Variants in PKM observed in about 807,000 individuals in gnomAD.
PKM encodes pyruvate kinase PKM.
A neutral mutation model predicts 49.8 loss-of-function variants in PKM; 18 were observed. The observed-to-expected ratio is 0.36, with a 90% confidence interval of 0.25 to 0.54. PKM has a LOEUF of 0.54. Ranked by LOEUF, PKM falls within the 20% of genes least tolerant of loss-of-function variation. The probability of loss-of-function intolerance (pLI) is 0.89; values close to 1 mark genes in which losing one functional copy is unlikely to be tolerated. For missense variants in PKM, 508 were observed against 713.8 expected (o/e 0.71, Z 3.28); for synonymous variants, 239 against 261.8 (o/e 0.91, Z 0.84).
chr15:72,222,907 G>A (rs1051288389), intron 1 of PKM, among the ~76,000 whole-genome samples: 4 of 151,808 alleles, frequency 2.6e-5, no homozygotes, highest in African/African-American at 9.7e-5. Flanking sequence ...GACAGCTCCT[G>A]GCTTTTTATA....
rs1276921959 is a variant in PKM at position 72,206,815 on chromosome 15, T to C, written c.1053A>G (p.Ala351=). 1.2e-5 allele frequency: 20 copies of C among 1,614,156 alleles called. No individual in the cohort carries two copies. Among genetic ancestry groups the C allele is most frequent in the Non-Finnish European group, 1.7e-5 (20 of 1,180,006 alleles). Residue 351 remains alanine (A), a synonymous_variant, in exon 8 of 11, where the codon GCA becomes GCG. Transcript: ENST00000335181. ...TRAEGSDVAN[A]VLDGADCIML... is the part of the protein sequence containing the mutation. The stretch of plus-strand genomic sequence containing the variant: ...TGATGCAGTCGGCTCCATCCAGGAC[T>C]GCATTGGCCACATCACTGCCTTCAG...
intron 3 of PKM, among the ~76,000 whole-genome samples, chr15:72,214,533 C>T (rs530166419): frequency 2.0e-5 from 3 of 152,232 alleles, no homozygotes; most frequent in South Asian, 4.1e-4. Flanking sequence ...TGGTGGCTCA[C>T]GCCTGTAATC....
chr15:72,222,422 C>T (rs2082550559), intron 1 of PKM: 1 of 152,550 alleles, frequency 6.6e-6, no homozygotes, highest in Non-Finnish European at 1.5e-5. Flanking sequence ...CTTCCCAGCA[C>T]AAACTGCCCA....
At chr15:72,205,630 T>TG (rs1251433259) in intron 8 of PKM, among the ~76,000 whole-genome samples, 2 of 150,404 alleles carry the variant, frequency 1.3e-5, no homozygotes, top group African/African-American at 4.9e-5. Context: ...TTTAGTTTTT[T>TG]TTTTTTTTTT....
Position 72,229,546 on chromosome 15 carries a change from C to T in PKM, c.-14+1570G>A, listed in dbSNP as rs1392301432. ...ATTAAGAAGCCAAGGGATGCCCTTA[C>T]ATGACTGAGTCTTTAAATGATCTTC... On this transcript the variant is annotated intron_variant, in intron 1 of 10. Coordinates refer to ENST00000335181, the MANE Select transcript of PKM (RefSeq NM_002654.6). 4 of 1,287,374 alleles carry T rather than the reference C, an allele frequency of 3.1e-6. No individual in the cohort carries two copies. In the Admixed American group the frequency reaches 6.9e-5, roughly 22 times the overall value. The allele number at this position is 1,287,374 out of a possible 1,614,324, so 79.7% of individuals were successfully genotyped here.
chr15:72,199,030 G>A lies in PKM; in HGVS notation c.*620C>T, dbSNP rs1441022078. On this transcript the variant is annotated 3_prime_UTR_variant, in exon 11 of 11. Coordinates refer to ENST00000335181, the MANE Select transcript of PKM (RefSeq NM_002654.6). ...CCCCAGCAGAAAAGAGAGGAAACAG[G>A]TGCTTCAGCTGTTGTTTATTGACAT... The A allele has an allele frequency of 1.6e-5, 3 of 186,086 alleles. No individual in the cohort carries two copies. The highest frequency in any genetic ancestry group is 4.8e-5 in the African/African-American group (2 of 41,942). The allele number at this position is 186,086 out of a possible 1,614,324, so 11.5% of individuals were successfully genotyped here.
At chr15:72,210,066 A>G (rs1596750553) in intron 4 of PKM, 2 of 631,780 alleles carry the variant, frequency 3.2e-6, no homozygotes, top group Admixed American at 5.2e-5. Flanking sequence ...CTACTTAATG[A>G]TGGGGAAAAA....
chr15:72,203,624 A>G (rs890416255), intron 8 of PKM: 4 of 271,648 alleles, frequency 1.5e-5, no homozygotes, highest in African/African-American at 8.8e-5. Flanking sequence ...CCCAGCCTCC[A>G]TGCATGCATG....
At chr15:72,209,562 C>T (rs2082189641) in intron 5 of PKM, 111 bp downstream of exon 5, 7 of 874,286 alleles carry the variant, frequency 8.0e-6, no homozygotes, top group Non-Finnish European at 1.4e-5. Context: ...CCTGAGAACA[C>T]ACAGACTCAA....
At chr15:72,227,208 G>C (rs2082695112) in intron 1 of PKM, among the ~76,000 whole-genome samples, 1 of 152,140 alleles carries the variant, frequency 6.6e-6, no homozygotes, top group Non-Finnish European at 1.5e-5. Flanking sequence ...ATGCTTAAAG[G>C]GACAACTTAA....
chr15:72,209,386 C>G (rs1284728499), intron 5 of PKM: 1 of 127,748 alleles, frequency 7.8e-6, no homozygotes, highest in African/African-American at 3.2e-5. Context: ...AAACAAAACA[C>G]AGCGAAACAA....
At chr15:72,216,396 G>A (rs1231187382) in intron 3 of PKM, among the ~76,000 whole-genome samples, 4 of 152,170 alleles carry the variant, frequency 2.6e-5, no homozygotes, top group Non-Finnish European at 5.9e-5. Context: ...ACATTTGAGA[G>A]AATCACTTGA....
intron 3 of PKM, among the ~76,000 whole-genome samples, chr15:72,214,070 T>C (rs1404378940): frequency 2.6e-5 from 4 of 152,242 alleles, no homozygotes; most frequent in African/African-American, 9.6e-5. Context: ...TTTAGGGTTT[T>C]CCTCCCCTAG....
chr15:72,223,835 C>T (rs1312059930), intron 1 of PKM, among the ~76,000 whole-genome samples: 1 of 151,526 alleles, frequency 6.6e-6, no homozygotes, highest in African/African-American at 2.4e-5. Context: ...CAGGAGGCCC[C>T]ACAGCAGAAA....
intron 1 of PKM, chr15:72,221,224 G>A (rs2082512987): frequency 1.3e-6 from 2 of 1,535,646 alleles, no homozygotes; most frequent in Non-Finnish European, 1.7e-6. Context: ...TTGGCTCAGG[G>A]TGGCTCCTTG....
chr15:72,226,532 A>T (rs902718057), intron 1 of PKM, among the ~76,000 whole-genome samples: 3 of 152,212 alleles, frequency 2.0e-5, no homozygotes, highest in African/African-American at 4.8e-5. Flanking sequence ...TCCGTCTCAA[A>T]AAAATAAAAT....
Position 72,208,817 on chromosome 15 carries a change from C to T in PKM, c.640G>A (p.Ala214Thr). 1 of 1,614,148 alleles carries T rather than the reference C, an allele frequency of 6.2e-7. No homozygotes were observed. ...GACACAGCAGGCAAGTCCACAGCAG[C>T]CCCAGGAAGGTTCACACCCTTCTTG... The part of the protein sequence containing the change: ...GSKKGVNLPG[A>T]AVDLPAVSEK... The change falls in exon 6 of 11, where the codon GCT becomes ACT. Residue 214 changes from alanine to threonine, a missense_variant. Physicochemically the swap from Ala to Thr is moderately conservative, Grantham distance 58. Transcript: ENST00000335181.
intron 8 of PKM, 40 bp downstream of exon 8, chr15:72,206,688 G>A (rs781306049): frequency 1.2e-6 from 2 of 1,606,648 alleles, no homozygotes; most frequent in Admixed American, 3.3e-5. Flanking sequence ...CCCAGGCCCA[G>A]TCCGAAGCCC....
rs1567123840 is a variant in PKM, at chr15:72,217,486, A to T, written c.169T>A (p.Ser57Thr). 6.2e-7 allele frequency: 1 copy of T among 1,608,478 alleles called. No homozygotes were observed. The highest frequency in any genetic ancestry group is 2.2e-5 in the East Asian group (1 of 44,856). The change falls in exon 3 of 11, where the codon TCA becomes ACA. Residue 57 changes from serine (S) to threonine (T), a missense_variant. Ser to Thr is a moderately conservative substitution (Grantham distance 58, BLOSUM62 1). Transcript: ENST00000335181. ...ATCATCTCCTTCAACGTCTCCACTG[A>T]TCGGGAAGCTGGGCCTATTAGGAAA... is the stretch of plus-strand genomic sequence containing the variant. ...IICTIGPASRSVETLKEMIKS... is the reference protein window; with the variant it reads ...IICTIGPASRTVETLKEMIKS...
Sources: allele counts gnomAD v4.1 joint callset (sites outside exome capture counted in the v4.1 genomes callset), GRCh38; gene constraint gnomAD v4.1.1; transcripts MANE v1.5; gene names NCBI Gene and HGNC (gene_info 2026-07-23, HGNC 2026-07-21).